Variants in RUFY4 observed in about 807,000 individuals in gnomAD.
The protein encoded by RUFY4 is RUN and FYVE domain containing 4.
In RUFY4, 73 loss-of-function variants were observed where a neutral mutation model predicts 69.0. The observed-to-expected ratio is 1.06, with a 90% confidence interval of 0.88 to 1.29. The LOEUF (loss-of-function observed/expected upper bound fraction) is 1.29. Among genes scored for constraint, RUFY4 ranks in the 50% most tolerant of loss-of-function variants. The probability of loss-of-function intolerance (pLI) is 0.00; values close to 1 mark genes in which losing one functional copy is unlikely to be tolerated. For missense variants in RUFY4, 770 were observed against 705.6 expected (o/e 1.09, Z -1.03); for synonymous variants, 287 against 271.8 (o/e 1.06, Z -0.55).
chr2:218,085,874 C>T (rs1299758844), intron 9 of RUFY4, among the ~76,000 whole-genome samples: 1 of 152,214 alleles, frequency 6.6e-6, no homozygotes, highest in Non-Finnish European at 1.5e-5. Flanking sequence ...TCAACCATTC[C>T]TGTCCACTAT....
intron 2 of RUFY4, among the ~76,000 whole-genome samples, chr2:218,042,291 A>T (rs1273842731): frequency 6.6e-6 from 1 of 152,244 alleles, no homozygotes. Context: ...AACTTGTATT[A>T]GTTTCTTAAG....
chr2:218,074,065 C>G, intron 6 of RUFY4, 180 bp downstream of exon 8: 1 of 654,130 alleles, frequency 1.5e-6, no homozygotes, highest in South Asian at 1.9e-5. Context: ...GAGGAGAGGG[C>G]TCCTATTCCT....
chr2:218,054,186 C>T (rs1689007387), intron 2 of RUFY4, among the ~76,000 whole-genome samples: 1 of 152,154 alleles, frequency 6.6e-6, no homozygotes, highest in Non-Finnish European at 1.5e-5. Flanking sequence ...GTTGATTCTT[C>T]TCTAAAGGCA....
intron 5 of RUFY4, 95 bp downstream of exon 7, chr2:218,073,481 C>T: frequency 1.3e-6 from 2 of 1,488,970 alleles, no homozygotes; most frequent in Non-Finnish European, 1.8e-6. Context: ...AGCCTCCAGC[C>T]CCATCTGTCT....
At chr2:218,050,268 T>G (rs1029867759) in intron 2 of RUFY4, among the ~76,000 whole-genome samples, 3 of 152,172 alleles carry the variant, frequency 2.0e-5, no homozygotes, top group Non-Finnish European at 4.4e-5. Flanking sequence ...TTCTCCGCCT[T>G]ACTCACTCTC....
intron 9 of RUFY4, among the ~76,000 whole-genome samples, chr2:218,088,607 C>T (rs1490642233): frequency 6.6e-6 from 1 of 152,150 alleles, no homozygotes; most frequent in Non-Finnish European, 1.5e-5. Context: ...CAAGAAACCC[C>T]AGGGGCCTCT....
chr2:218,075,925 C>G (rs779096393), intron 7 of RUFY4, among the ~76,000 whole-genome samples, 185 bp downstream of exon 9: 79 of 152,120 alleles, frequency 5.2e-4, no homozygotes, highest in Non-Finnish European at 9.1e-4. Context: ...CAGTCCCCGC[C>G]TCTCCCTATT....
intron 8 of RUFY4, among the ~76,000 whole-genome samples, chr2:218,080,035 C>A (rs1483845810): frequency 6.6e-6 from 1 of 152,212 alleles, no homozygotes; most frequent in Admixed American, 6.5e-5. Context: ...ACATGAAAGA[C>A]TGGACCATGC....
chr2:218,063,850 A>G (rs3181212), intron 3 of RUFY4, among the ~76,000 whole-genome samples: 138,373 of 152,084 alleles, frequency 0.91, 63,158 homozygotes, highest in African/African-American at 0.98. Context: ...AAGGTTCCTA[A>G]GAAGCTCTTC....
chr2:218,082,370 C>T (rs1689780580), intron 8 of RUFY4, among the ~76,000 whole-genome samples: 1 of 121,246 alleles, frequency 8.2e-6, no homozygotes, highest in Non-Finnish European at 1.8e-5. Context: ...CCTGGGTTCC[C>T]AGGCGTCTGC....
At chr2:218,061,633 A>T (rs1689195908) in intron 3 of RUFY4, among the ~76,000 whole-genome samples, 1 of 152,208 alleles carries the variant, frequency 6.6e-6, no homozygotes, top group South Asian at 2.1e-4. Flanking sequence ...TTATCAAAAG[A>T]CTTCCATACT....
Position 218,074,946 on chromosome 2 carries a change from G to A in RUFY4, c.601-147G>A, listed in dbSNP as rs560644012. The A allele has an allele frequency of 2.5e-5, 22 of 874,626 alleles. No homozygotes were observed. In the South Asian group the frequency reaches 4.0e-4, roughly 16 times the overall value. The allele number at this position is 874,626 out of a possible 1,614,324, so 54.2% of individuals were successfully genotyped here. On this transcript the variant is annotated intron_variant, in intron 6 of 10. Transcript: ENST00000344321. ...GGGTGTTGCTAAAAGTCAGATTTGG[G>A]GTTTGATAAATCAAAGCTTCCAGTG...
At chr2:218,075,286 T>C (rs752593266) in exon 7 of RUFY4, 2 of 1,600,674 alleles carry the variant, frequency 1.2e-6, no homozygotes, top group Non-Finnish European at 1.7e-6. Flanking sequence ...CCCCAGAGCA[T>C]GTGGGAGCCA....
chr2:218,083,508 A>G (rs564358253), intron 9 of RUFY4, among the ~76,000 whole-genome samples: 86 of 152,226 alleles, frequency 5.6e-4, no homozygotes, highest in African/African-American at 2.0e-3. Flanking sequence ...TCAGTACTTT[A>G]GAAGGCCAAG....
intron 2 of RUFY4, among the ~76,000 whole-genome samples, chr2:218,045,324 A>G (rs1688802394): frequency 6.6e-6 from 1 of 152,204 alleles, no homozygotes; most frequent in Non-Finnish European, 1.5e-5. Context: ...TTACAAGCAG[A>G]GTATATTTTT....
chr2:218,089,303 C>G (rs374828754), exon 10 of RUFY4: 4 of 1,613,890 alleles, frequency 2.5e-6, no homozygotes, highest in Middle Eastern at 1.6e-4. Flanking sequence ...CCATGGCTCC[C>G]GAGTGCTGTG....
At chr2:218,053,141 T>G (rs1311524231) in intron 2 of RUFY4, among the ~76,000 whole-genome samples, 1 of 152,034 alleles carries the variant, frequency 6.6e-6, no homozygotes, top group Non-Finnish European at 1.5e-5. Flanking sequence ...TCTATTTTAA[T>G]TAAATGTTTT....
In RUFY4 at chr2:218,075,839, G is replaced by A. The variant is rs542373745; in HGVS notation, c.1248+99G>A. 1,013 of 1,223,224 alleles carry A rather than the reference G, an allele frequency of 8.3e-4. 13 individuals carry two copies. The South Asian group carries it at 0.019, about 22-fold the overall frequency. The allele number at this position is 1,223,224 out of a possible 1,614,324, so 75.8% of individuals were successfully genotyped here. On this transcript the variant is annotated intron_variant, in intron 7 of 10. Transcript: ENST00000344321. Reference sequence around the variant, plus strand: ...GTAGCCTGGGACCATTCCCTCCCACGGGTCAATTTTTATTGGCCCACTCAG... The same window carrying A: ...GTAGCCTGGGACCATTCCCTCCCACAGGTCAATTTTTATTGGCCCACTCAG...
intron 2 of RUFY4, among the ~76,000 whole-genome samples, chr2:218,049,757 C>G (rs1190391706): frequency 6.6e-6 from 1 of 152,206 alleles, no homozygotes. Context: ...ATCCACCCGC[C>G]TCAGCCTCCC....
Sources: gnomAD v4.1 joint callset for allele counts (sites outside exome capture counted in the v4.1 genomes callset) on GRCh38, gnomAD v4.1.1 for gene constraint, MANE v1.5 for transcripts, NCBI Gene and HGNC (gene_info 2026-07-23, HGNC 2026-07-21) for gene names.